CHLSN: variants seen among roughly 807,000 people sequenced by gnomAD.
The protein encoded by CHLSN is protein cholesin.
At chr7:1,069,213 C>T in the CHLSN span, among the ~76,000 whole-genome samples, 2 of 152,200 alleles carry the variant, frequency 1.3e-5, no homozygotes, top group African/African-American at 4.8e-5. Context: ...TGCCTGTAAT[C>T]CCAGCTACGA....
At chr7:990,831 C>T in the CHLSN span, among the ~76,000 whole-genome samples, 7 of 152,180 alleles carry the variant, frequency 4.6e-5, no homozygotes, top group African/African-American at 1.7e-4. Flanking sequence ...ACGCCCCGCC[C>T]AGTGTGACTG....
the CHLSN span, among the ~76,000 whole-genome samples, chr7:1,038,051 AG>A: frequency 5.1e-5 from 6 of 117,154 alleles, no homozygotes; most frequent in Admixed American, 4.1e-4. Flanking sequence ...TCCGCCCGGC[AG>A]CTGCCCTGTC....
chr7:1,013,758 G>A, the CHLSN span, among the ~76,000 whole-genome samples: 1 of 152,206 alleles, frequency 6.6e-6, no homozygotes, highest in South Asian at 2.1e-4. Flanking sequence ...AGGGCAAGCA[G>A]AAAGTCGTAC....
the CHLSN span, chr7:1,074,442 GACAATCACA>G: frequency 6.6e-6 from 1 of 151,070 alleles, no homozygotes; most frequent in Admixed American, 6.6e-5. Flanking sequence ...TCTACAAAAG[GACAATCACA>G]ACAACGGAAC....
the CHLSN span, among the ~76,000 whole-genome samples, chr7:1,040,987 C>G: frequency 1.3e-5 from 2 of 152,250 alleles, no homozygotes; most frequent in African/African-American, 4.8e-5. Flanking sequence ...GGGGTCAACC[C>G]GAAGCCAGAG....
the CHLSN span, among the ~76,000 whole-genome samples, chr7:1,066,025 G>A: frequency 1.1e-3 from 162 of 152,338 alleles, 1 homozygote; most frequent in African/African-American, 3.8e-3. Flanking sequence ...GGACCAGAGG[G>A]AGCCCTGCGC....
chr7:1,050,332 A>G, the CHLSN span, among the ~76,000 whole-genome samples: 1 of 152,258 alleles, frequency 6.6e-6, no homozygotes, highest in Non-Finnish European at 1.5e-5. Flanking sequence ...GCATTTGCTC[A>G]GGCTCAGAGC....
the CHLSN span, among the ~76,000 whole-genome samples, chr7:1,049,348 G>A: frequency 1.3e-5 from 2 of 152,222 alleles, no homozygotes; most frequent in African/African-American, 2.4e-5. Context: ...AGCAAGTGCC[G>A]GCACCCTCTT....
the CHLSN span, among the ~76,000 whole-genome samples, chr7:1,070,337 G>C: frequency 1.0e-4 from 14 of 135,660 alleles, no homozygotes; most frequent in Admixed American, 3.6e-4. Context: ...GGCCAGCCGT[G>C]CCGTCCGGGA....
At chr7:1,070,612 ATG>A in the CHLSN span, among the ~76,000 whole-genome samples, 181 of 145,660 alleles carry the variant, frequency 1.2e-3, 1 homozygote, top group African/African-American at 4.5e-3. Context: ...GCACACATGC[ATG>A]CACACACGCA....
At chr7:982,830 G>T in the CHLSN span, among the ~76,000 whole-genome samples, 1 of 152,252 alleles carries the variant, frequency 6.6e-6, no homozygotes, top group Non-Finnish European at 1.5e-5. Context: ...TCCAAGCCAG[G>T]GCCTCGGCCC....
At chr7:1,093,968 G>A in the CHLSN span, among the ~76,000 whole-genome samples, 6 of 152,176 alleles carry the variant, frequency 3.9e-5, no homozygotes, top group Admixed American at 1.3e-4. Context: ...CCGGCCAGCC[G>A]GACCTAACCT....
the CHLSN span, among the ~76,000 whole-genome samples, chr7:1,109,988 T>C: frequency 6.6e-6 from 1 of 152,098 alleles, no homozygotes; most frequent in South Asian, 2.1e-4. Flanking sequence ...AGGGCTACAG[T>C]AATGAGCCGG....
the CHLSN span, chr7:1,045,449 C>G: frequency 6.6e-6 from 1 of 152,236 alleles, no homozygotes; most frequent in African/African-American, 2.4e-5. Context: ...TTGCTACCTG[C>G]AGCACCTAGC....
At chr7:1,055,223 G>A in the CHLSN span, 1 of 470,882 alleles carries the variant, frequency 2.1e-6, no homozygotes, top group South Asian at 1.5e-5. Flanking sequence ...CAGCAGGAGG[G>A]AGGGGCGGTG....
chr7:990,676 C>G, the CHLSN span, among the ~76,000 whole-genome samples: 2 of 152,102 alleles, frequency 1.3e-5, no homozygotes, highest in African/African-American at 4.8e-5. Context: ...GGGATGGAGG[C>G]TCGGCTGCGT....
chr7:1,136,555 T>C, the CHLSN span, among the ~76,000 whole-genome samples: 1 of 94,828 alleles, frequency 1.1e-5, no homozygotes, highest in Non-Finnish European at 1.9e-5. Flanking sequence ...TATATAAACA[T>C]ATATAAACAT....
At chr7:999,865 C>T in the CHLSN span, among the ~76,000 whole-genome samples, 7 of 152,358 alleles carry the variant, frequency 4.6e-5, no homozygotes, top group East Asian at 1.3e-3. Flanking sequence ...TCCAGCCCGC[C>T]GCCCAGCAGC....
the CHLSN span, among the ~76,000 whole-genome samples, chr7:1,006,004 A>T: frequency 1.3e-5 from 2 of 152,354 alleles, no homozygotes; most frequent in East Asian, 3.9e-4. Flanking sequence ...TTCTTTTTTC[A>T]GTTATATGGA....
Sources: gnomAD v4.1 joint callset for allele counts (sites outside exome capture counted in the v4.1 genomes callset) on GRCh38, gnomAD v4.1.1 for gene constraint, MANE v1.5 for transcripts, NCBI Gene and HGNC (gene_info 2026-07-23, HGNC 2026-07-21) for gene names.